The following CSF2RB variants were observed in gnomAD, a reference collection of about 807,000 sequenced individuals.
The protein encoded by CSF2RB is cytokine receptor common subunit beta.
CSF2RB carries 22 observed loss-of-function variants against 67.2 expected under a neutral mutation model. The observed-to-expected ratio is 0.33, with a 90% CI of 0.23 to 0.47. CSF2RB has a LOEUF of 0.47. CSF2RB is among the 20% of genes least tolerant of loss of function. CSF2RB has a pLI of 1.00. For missense variants in CSF2RB, 1,113 were observed against 1,174.5 expected, an observed-to-expected ratio of 0.95 and a Z score of 0.76; for synonymous variants, 507 against 482.9, an observed-to-expected ratio of 1.05 and a Z score of -0.65.
intron 4 of CSF2RB, among the ~76,000 whole-genome samples, chr22:36,927,831 T>C (rs529849992): frequency 6.6e-6 from 1 of 152,226 alleles, no homozygotes; most frequent in South Asian, 2.1e-4. Context: ...TTCCTAGAAA[T>C]GATGAGGACA....
At chr22:36,936,100 G>A (rs1355352877) in intron 12 of CSF2RB, among the ~76,000 whole-genome samples, 2 of 152,162 alleles carry the variant, frequency 1.3e-5, no homozygotes, top group East Asian at 1.9e-4. Context: ...TCTTGAGGGT[G>A]GAGACAGAAA....
chr22:36,929,351 C>T (rs1941095669), intron 4 of CSF2RB, 51 bp from the exon 5 acceptor site: 1 of 1,613,408 alleles, frequency 6.2e-7, no homozygotes, highest in Non-Finnish European at 8.5e-7. Context: ...CAGGCCCTGA[C>T]TGCCCCCCAG....
At position 36,937,141 on chromosome 22, in the gene CSF2RB, C is replaced by G. The variant is rs555298574; in HGVS notation, c.1569-236C>G. ...GGGTACCAGCCTTGCAGAGGAAGAC[C>G]TTGAGCTCAGCATGGAGGATGGAGC... On this transcript the variant is annotated intron_variant, in intron 13 of 13. Transcript: ENST00000403662. The surrounding 1 kb of genome is among the most constrained non-coding windows in gnomAD (Gnocchi z 4.6). Among the ~76,000 whole-genome samples, 1 of 152,122 alleles carries G rather than the reference C, an allele frequency of 6.6e-6. No homozygotes were observed. The highest frequency in any genetic ancestry group is 1.5e-5 in the Non-Finnish European group (1 of 68,012).
In CSF2RB at chr22:36,937,672, C is replaced by G. The variant is rs1569140027; in HGVS notation, c.1864C>G (p.Pro622Ala). 1.9e-6 allele frequency: 3 copies of G among 1,554,216 alleles called. No individual in the cohort carries two copies. Among genetic ancestry groups the G allele is most frequent in the Non-Finnish European group, 2.6e-6 (3 of 1,148,544 alleles). Residue 622 changes from proline to alanine, a missense_variant, in exon 14 of 14, where the codon CCT (proline) becomes GCT (alanine). Transcript: ENST00000403662. The surrounding 1 kb of genome is among the most constrained non-coding windows in gnomAD (Gnocchi z 4.6). ...PQEGGSQKSP[P>A]PGSLEYLCLP... ...GGAGGGTGGGAGCCAGAAGTCCCCA[C>G]CTCCAGGGTCCCTGGAGTACCTGTG...
At position 36,923,297 on chromosome 22, in the gene CSF2RB, AC is replaced by A; in HGVS notation, c.132del (p.Cys45AlafsTer15). ...RCYNDYTSHI[T>X]CRWADTQDAQ... ...CTACAACGACTACACCAGCCACATCACCTGCAGGTGGGCAGACACCCAGGAT... is the reference window on the plus strand; with the variant it reads ...CTACAACGACTACACCAGCCACATCACTGCAGGTGGGCAGACACCCAGGAT... On this transcript the variant is annotated frameshift_variant, in exon 3 of 14. Transcript: ENST00000403662. LOFTEE classifies it high-confidence loss of function. 6.2e-7 allele frequency: 1 copy of A among 1,614,118 alleles called. No homozygotes were observed. Among genetic ancestry groups the A allele is most frequent in the Non-Finnish European group, 8.5e-7 (1 of 1,180,020 alleles).
At chr22:36,933,043 C>A in intron 9 of CSF2RB, 139 bp downstream of exon 9, 1 of 1,031,506 alleles carries the variant, frequency 9.7e-7, no homozygotes, top group Non-Finnish European at 1.4e-6. Flanking sequence ...GTGGTGATCA[C>A]TAGGCTGTGT....
chr22:36,919,704 C>A (rs1489631647), intron 1 of CSF2RB, among the ~76,000 whole-genome samples: 1 of 152,142 alleles, frequency 6.6e-6, no homozygotes, highest in African/African-American at 2.4e-5. Flanking sequence ...AGCCACCGCG[C>A]CCAGGCTTTG....
At chr22:36,923,840 G>C (rs1429827906) in intron 3 of CSF2RB, 1 of 1,233,470 alleles carries the variant, frequency 8.1e-7, no homozygotes, top group Non-Finnish European at 1.1e-6. Context: ...CCCTGGCCAC[G>C]GGGTAGACAG....
At chr22:36,920,662 CAGA>C (rs1415777498) in intron 1 of CSF2RB, among the ~76,000 whole-genome samples, 2 of 152,200 alleles carry the variant, frequency 1.3e-5, no homozygotes, top group African/African-American at 2.4e-5. Context: ...TGACAAATTA[CAGA>C]AGATTTCACT....
Position 36,932,859 on chromosome 22 carries a change from C to T in CSF2RB, c.1107C>T (p.Asp369=), listed in dbSNP as rs139685237. 1.2e-6 allele frequency: 2 copies of T among 1,614,052 alleles called. No individual in the cohort carries two copies. The highest frequency in any genetic ancestry group is 2.7e-5 in the African/African-American group (2 of 74,928). Reference sequence around the variant, plus strand: ...TGAAAATGCGATACGAACACATAGACCACACATTTGAGATCCAGTACAGGA... The same window carrying T: ...TGAAAATGCGATACGAACACATAGATCACACATTTGAGATCCAGTACAGGA... The part of the protein sequence containing the change: ...ETMKMRYEHI[D]HTFEIQYRKD... The change falls in exon 9 of 14, where the codon GAC becomes GAT. Residue 369 remains aspartate, a synonymous_variant. Transcript: ENST00000403662.
chr22:36,916,575 A>G (rs1031274322), intron 1 of CSF2RB, among the ~76,000 whole-genome samples: 6 of 152,138 alleles, frequency 3.9e-5, no homozygotes, highest in Non-Finnish European at 5.9e-5. Context: ...CAGTTTGCCA[A>G]GGCCAGGCAC....
In CSF2RB at chr22:36,929,738, GC is replaced by G; in HGVS notation, c.653del (p.Pro218GlnfsTer47). On this transcript the variant is annotated frameshift_variant, in exon 6 of 14. Coordinates refer to ENST00000403662, the MANE Select transcript of CSF2RB (RefSeq NM_000395.3). LOFTEE classifies it high-confidence loss of function. ...TYVARVRTRL[A>X]PGSRLSGRPS... Reference sequence around the variant, plus strand: ...CGTGGCCCGAGTACGGACCCGCCTGGCCCCAGGTTCTCGGCTCTCAGGACGT... The same window carrying G: ...CGTGGCCCGAGTACGGACCCGCCTGGCCCAGGTTCTCGGCTCTCAGGACGT... 6.2e-7 allele frequency: 1 copy of G among 1,614,174 alleles called. No individual in the cohort carries two copies. Among genetic ancestry groups the G allele is most frequent in the Non-Finnish European group, 8.5e-7 (1 of 1,180,028 alleles).
Position 36,923,804 on chromosome 22 carries a change from CTG to C in CSF2RB, c.200+438_200+439del, listed in dbSNP as rs1197561458. ...GCCTGGGAGTTCACAGATGGGAAAA[CTG>C]AGGCCCTGGAGGTGAGGTGCCAGCC... On this transcript the variant is annotated intron_variant, in intron 3 of 13. Transcript: ENST00000403662. 8 of 1,289,370 alleles carry C rather than the reference CTG, an allele frequency of 6.2e-6. No individual in the cohort carries two copies. The African/African-American group carries it at 1.2e-4, about 20-fold the overall frequency. The allele number at this position is 1,289,370 out of a possible 1,614,324, so 79.9% of individuals were successfully genotyped here.
At chr22:36,916,807 C>T (rs1306538020) in intron 1 of CSF2RB, among the ~76,000 whole-genome samples, 2 of 151,960 alleles carry the variant, frequency 1.3e-5, no homozygotes, top group African/African-American at 2.4e-5. Flanking sequence ...TGCAGTGAGC[C>T]GAGATCACGC....
chr22:36,938,794 C>T lies in CSF2RB; in HGVS notation c.*292C>T. The T allele has an allele frequency of 1.8e-6, 1 of 542,762 alleles. No homozygotes were observed. The highest frequency in any genetic ancestry group is 3.2e-6 in the Non-Finnish European group (1 of 308,234). 33.6% of individuals were successfully genotyped at this position (542,762 alleles called of 1,614,324 possible). A position where few individuals can be genotyped will look rare whatever the true frequency, so the allele number is the denominator to read the frequency against. ...TTTCTAGATATACTCATTCCATCTC[C>T]CCCTCATTTTTTTAATCAGGTTTCC... On this transcript the variant is annotated 3_prime_UTR_variant, in exon 14 of 14. Coordinates refer to ENST00000403662, the MANE Select transcript of CSF2RB (RefSeq NM_000395.3).
chr22:36,936,587 G>GGCCTTCA lies in CSF2RB; in HGVS notation c.1504_1510dup (p.Thr504SerfsTer4). 3 of 1,613,466 alleles carry GGCCTTCA rather than the reference G, an allele frequency of 1.9e-6. No homozygotes were observed. Among genetic ancestry groups the GGCCTTCA allele is most frequent in the Non-Finnish European group, 1.7e-6 (2 of 1,180,010 alleles). On this transcript the variant is annotated frameshift_variant, in exon 13 of 14. Transcript: ENST00000403662. LOFTEE classifies it high-confidence loss of function. ...AGCTTTGGCCCCCAGGCAGCATGTC[G>GGCCTTCA]GCCTTCACTAGCGGGAGTCCCCCAC...
At position 36,936,542 on chromosome 22, in the gene CSF2RB, C is replaced by T. The variant is rs542792165; in HGVS notation, c.1465-7C>T. On this transcript the variant is annotated splice_region_variant and splice_polypyrimidine_tract_variant and intron_variant, in intron 12 of 13. Transcript: ENST00000403662. ...GCTCACCGGCCCAAATGTCTCTGCT[C>T]TTGCAGAACGGGAGCGCAGAGCTTT... 1.1e-5 allele frequency: 18 copies of T among 1,612,422 alleles called. No individual in the cohort carries two copies. In the Admixed American group the frequency reaches 1.5e-4, roughly 13 times the overall value.
intron 4 of CSF2RB, among the ~76,000 whole-genome samples, chr22:36,926,755 T>G (rs1014548162): frequency 2.0e-5 from 3 of 152,250 alleles, no homozygotes; most frequent in Admixed American, 1.3e-4. Context: ...TTTTATGTAG[T>G]TAGGTTTTAT....
chr22:36,917,725 C>A (rs1244831822), intron 1 of CSF2RB, among the ~76,000 whole-genome samples: 2 of 152,128 alleles, frequency 1.3e-5, no homozygotes, highest in Non-Finnish European at 2.9e-5. Flanking sequence ...GGAGTTGAGA[C>A]CAACCTGGCC....
Sources: gnomAD v4.1 joint callset for allele counts (sites outside exome capture counted in the v4.1 genomes callset) on GRCh38, gnomAD v4.1.1 for gene constraint, Gnocchi (gnomAD v3.1) non-coding constraint, MANE v1.5 for transcripts, NCBI Gene and HGNC (gene_info 2026-07-23, HGNC 2026-07-21) for gene names.